KIF24: variants seen among roughly 807,000 people sequenced by gnomAD.
The protein encoded by KIF24 is kinesin family member 24, also known as kinesin-like protein KIF24.
In KIF24, 81 loss-of-function variants were observed where a neutral mutation model predicts 118.9. That is an observed-to-expected ratio of 0.68 (90% CI 0.57 to 0.82). KIF24 has a LOEUF of 0.82. Ranked by LOEUF, KIF24 falls within the 40% of genes least tolerant of loss-of-function variation. KIF24 has a pLI of 0.00. For synonymous variants in KIF24, 599 were observed against 610.0 expected (o/e 0.98, Z 0.27); for missense variants, 1,560 against 1,661.6 (o/e 0.94, Z 1.06).
In KIF24 at chr9:34,255,263, T is replaced by C; in HGVS notation, c.3873-98A>G. 5 of 755,414 alleles carry C rather than the reference T, an allele frequency of 6.6e-6. 1 individual carries two copies. The South Asian group carries it at 8.4e-5, about 13-fold the overall frequency. 46.8% of individuals were successfully genotyped at this position (755,414 alleles called of 1,614,324 possible). A position where few individuals can be genotyped will look rare whatever the true frequency, so the allele number is the denominator to read the frequency against. On this transcript the variant is annotated intron_variant, in intron 11 of 12. Coordinates refer to ENST00000402558, the MANE Select transcript of KIF24 (RefSeq NM_194313.4). The stretch of plus-strand genomic sequence containing the variant: ...TCTCATTTGTAAGCTGAGAGCTGCC[T>C]CTGCCGAAAATGGTCAAGGTTTTCA...
At chr9:34,280,343 G>T (rs1292765366) in intron 6 of KIF24, among the ~76,000 whole-genome samples, 1 of 149,154 alleles carries the variant, frequency 6.7e-6, no homozygotes, top group Non-Finnish European at 1.5e-5. Flanking sequence ...CTTCCAGGAT[G>T]CAGGGGTTGA....
chr9:34,302,334 T>C (rs771605270), intron 3 of KIF24, among the ~76,000 whole-genome samples: 19 of 151,320 alleles, frequency 1.3e-4, no homozygotes, highest in Non-Finnish European at 2.5e-4. Flanking sequence ...GACAGAGTCT[T>C]ACTCTGTCAC....
intron 11 of KIF24, 44 bp from the exon 12 acceptor site, chr9:34,255,209 G>T: frequency 8.3e-7 from 1 of 1,206,724 alleles, no homozygotes. Flanking sequence ...TGGCCTCCCA[G>T]CCTCTCCTGG....
chr9:34,272,836 C>T (rs1031065354), intron 6 of KIF24, among the ~76,000 whole-genome samples: 1 of 152,120 alleles, frequency 6.6e-6, no homozygotes, highest in Admixed American at 6.5e-5. Context: ...GTTGCCCAGG[C>T]TGGTCTTGAA....
chr9:34,327,411 T>C (rs78766816), intron 1 of KIF24, among the ~76,000 whole-genome samples: 210 of 152,214 alleles, frequency 1.4e-3, no homozygotes, highest in African/African-American at 4.7e-3. Flanking sequence ...GCTCATACCT[T>C]AGGTTGCCCC....
chr9:34,287,143 G>T (rs72731302), intron 5 of KIF24, among the ~76,000 whole-genome samples: 2 of 152,302 alleles, frequency 1.3e-5, no homozygotes, highest in African/African-American at 2.4e-5. Context: ...AAGCCATTTT[G>T]TATCTACAAA....
Position 34,261,056 on chromosome 9 carries a change from C to A in KIF24, c.1516-1351G>T, listed in dbSNP as rs143595912. ...CACCTATAAGTAGGTTCCTGGGTCC[C>A]TGGTTAAAATCATGTTTGAGAAGAC... On this transcript the variant is annotated intron_variant, in intron 9 of 12. Coordinates refer to ENST00000402558, the MANE Select transcript of KIF24 (RefSeq NM_194313.4). Among the ~76,000 whole-genome samples, 9 of 152,298 alleles carry A rather than the reference C, an allele frequency of 5.9e-5. No homozygotes were observed. The East Asian group carries it at 9.6e-4, about 16-fold the overall frequency.
chr9:34,280,144 C>T (rs71521230), intron 6 of KIF24, among the ~76,000 whole-genome samples: 5 of 150,986 alleles, frequency 3.3e-5, no homozygotes, highest in South Asian at 2.1e-4. Flanking sequence ...ATTAGCCGGG[C>T]GTAGTGGCGG....
At position 34,256,407 on chromosome 9, in the gene KIF24, G is replaced by C; in HGVS notation, c.3200C>G (p.Pro1067Arg). The change falls in exon 11 of 13, where the codon CCC becomes CGC. Residue 1067 changes from proline (P) to arginine (R), a missense_variant. Pro to Arg is a moderately radical substitution (Grantham distance 103). Transcript: ENST00000402558. ...CCCATCCTGGACCAGCTGCTCCGAG[G>C]GAGGAGACCCTTCGTTGTCTGGGTT... ...LENPDNEGSP[P>R]SEQLVQDGAT... 1.2e-6 allele frequency: 2 copies of C among 1,613,948 alleles called. No homozygotes were observed. Among genetic ancestry groups the C allele is most frequent in the Non-Finnish European group, 1.7e-6 (2 of 1,179,890 alleles).
chr9:34,267,983 A>C (rs1195211204), intron 8 of KIF24, among the ~76,000 whole-genome samples: 1 of 152,212 alleles, frequency 6.6e-6, no homozygotes, highest in Non-Finnish European at 1.5e-5. Context: ...AAAATGAAAG[A>C]GGGAATAAGA....
intron 6 of KIF24, among the ~76,000 whole-genome samples, chr9:34,273,403 G>T (rs577159355): frequency 2.4e-5 from 3 of 124,880 alleles, no homozygotes; most frequent in Admixed American, 1.8e-4. Flanking sequence ...AGTAGGAAAG[G>T]GGGGAGTCAG....
At chr9:34,296,995 A>G in intron 4 of KIF24, 22 bp downstream of exon 4, 1 of 1,260,116 alleles carries the variant, frequency 7.9e-7, no homozygotes. Flanking sequence ...AAAGCAAAAA[A>G]AGCAAATAAT....
rs201594047 is a variant in KIF24, at chr9:34,263,157, G to A, written c.1459C>T (p.Arg487Ter). The A allele has an allele frequency of 2.5e-4, 405 of 1,612,960 alleles. No individual in the cohort carries two copies. Among genetic ancestry groups the A allele is most frequent in the Non-Finnish European group, 3.2e-4 (377 of 1,179,396 alleles). Residue 487 changes from arginine (R) to a stop codon, truncating the protein, a stop_gained, in exon 9 of 13, where the codon CGA becomes TGA. Coordinates refer to ENST00000402558, the MANE Select transcript of KIF24 (RefSeq NM_194313.4). LOFTEE classifies it high-confidence loss of function. ...QSLLALKECI[R>*]ALDQEHTHTP... ...TGGGTGTGTTCCTGATCCAGTGCTC[G>A]GATACATTCCTTCAGCTGCAAAGTG... is the stretch of plus-strand genomic sequence containing the variant.
chr9:34,268,509 CT>C (rs551412725), intron 8 of KIF24, among the ~76,000 whole-genome samples: 63 of 123,562 alleles, frequency 5.1e-4, no homozygotes, highest in Admixed American at 1.2e-3. Flanking sequence ...GATTTTCTTT[CT>C]TTTTTTTTTT....
At chr9:34,255,312 T>C (rs1834782314) in intron 11 of KIF24, 147 bp from the exon 12 acceptor site, 2 of 612,088 alleles carry the variant, frequency 3.3e-6, no homozygotes, top group Non-Finnish European at 5.9e-6. Context: ...ACCAACCAGC[T>C]CCCCCTCACC....
In KIF24 at chr9:34,255,083, G is replaced by C. The variant is rs767894069; in HGVS notation, c.3955C>G (p.Leu1319Val). ...GFKEETLMSQ[L>V]ASNDFEDFVT... is the part of the protein sequence containing the mutation. ...CCAGGGCTACTTACATTAGAAGCCA[G>C]CTGGCTCATCAGCGTCTCCTCCTTG... Residue 1319 changes from leucine to valine, a missense_variant, in exon 12 of 13, where the codon CTG becomes GTG. Coordinates refer to ENST00000402558, the MANE Select transcript of KIF24 (RefSeq NM_194313.4). 1 of 1,588,594 alleles carries C rather than the reference G, an allele frequency of 6.3e-7. No homozygotes were observed. The highest frequency in any genetic ancestry group is 1.2e-5 in the South Asian group (1 of 86,944).
Position 34,256,354 on chromosome 9 carries a change from T to G in KIF24, c.3253A>C (p.Thr1085Pro). 1.9e-6 allele frequency: 3 copies of G among 1,613,758 alleles called. No homozygotes were observed. The highest frequency in any genetic ancestry group is 2.5e-6 in the Non-Finnish European group (3 of 1,179,864). ...GTGTGGCTCACAACTGGGCCCCCTG[T>G]GCTCTCTGCCACTAGACTGTGCGTA... ...GATHSLVAES[T>P]GGPVVSHTVP... The change falls in exon 11 of 13, where the codon ACA becomes CCA. Residue 1085 changes from threonine to proline, a missense_variant. Thr to Pro is a conservative substitution (Grantham distance 38, BLOSUM62 -1). This residue lies in a region of KIF24 where 591 missense variants were observed against 655.6 expected (regional missense o/e 0.90). Coordinates refer to ENST00000402558, the MANE Select transcript of KIF24 (RefSeq NM_194313.4).
At chr9:34,322,741 C>T (rs567547655) in intron 1 of KIF24, among the ~76,000 whole-genome samples, 1 of 152,044 alleles carries the variant, frequency 6.6e-6, no homozygotes, top group South Asian at 2.1e-4. Flanking sequence ...TTAGTCACAG[C>T]TACTTGGGAG....
In KIF24 at chr9:34,256,072, T is replaced by C. The variant is rs1834823709; in HGVS notation, c.3535A>G (p.Thr1179Ala). Residue 1179 changes from threonine (T) to alanine (A), a missense_variant, in exon 11 of 13, where the codon ACG becomes GCG. Physicochemically the swap from Thr to Ala is moderately conservative, Grantham distance 58. This residue lies in a region of KIF24 where 591 missense variants were observed against 655.6 expected (regional missense o/e 0.90). Coordinates refer to ENST00000402558, the MANE Select transcript of KIF24 (RefSeq NM_194313.4). ...AAACCCCAGGAGCCATCCAGCCCCG[T>C]CTCCTCTGCATCAGCATCATACTGC... The part of the protein sequence containing the change: ...SEQYDADAEE[T>A]GLDGSWGFPG... 1.9e-6 allele frequency: 3 copies of C among 1,613,826 alleles called. No homozygotes were observed. Among genetic ancestry groups the C allele is most frequent in the Non-Finnish European group, 8.5e-7 (1 of 1,179,846 alleles).
Sources: gnomAD v4.1 joint callset for allele counts (sites outside exome capture counted in the v4.1 genomes callset) on GRCh38, gnomAD v4.1.1 for gene constraint, gnomAD v4.1.1 regional missense constraint, MANE v1.5 for transcripts, NCBI Gene and HGNC (gene_info 2026-07-23, HGNC 2026-07-21) for gene names.